ARMC7: variants seen among roughly 807,000 people sequenced by gnomAD.
ARMC7 encodes the protein armadillo repeat-containing protein 7.
ARMC7 carries 9 observed loss-of-function variants against 14.8 expected under a neutral mutation model. The observed-to-expected ratio is 0.61, with a 90% confidence interval of 0.37 to 1.06. The LOEUF (loss-of-function observed/expected upper bound fraction) is 1.06, where lower values mean the gene tolerates loss of function less well. ARMC7 is among the 50% of genes least tolerant of loss of function. The probability of loss-of-function intolerance (pLI) is 0.01; values close to 1 mark genes in which losing one functional copy is unlikely to be tolerated. For synonymous variants in ARMC7, 125 were observed against 123.4 expected, an observed-to-expected ratio of 1.01 and a Z score of -0.09; for missense variants, 262 against 267.1, an observed-to-expected ratio of 0.98 and a Z score of 0.13.
intron 2 of ARMC7, chr17:75,114,941 C>T (rs2073962860): frequency 1.0e-5 from 4 of 382,296 alleles, no homozygotes; most frequent in Non-Finnish European, 1.4e-5. Context: ...CCGACAGGCA[C>T]TTATTCTGCT....
intron 2 of ARMC7, among the ~76,000 whole-genome samples, chr17:75,122,422 A>G (rs1403390005): frequency 6.6e-6 from 1 of 151,580 alleles, no homozygotes; most frequent in Non-Finnish European, 1.5e-5. Context: ...AGTGCAGTGG[A>G]GTGATCTCGG....
chr17:75,118,265 A>G (rs978374476), intron 2 of ARMC7, among the ~76,000 whole-genome samples: 1 of 152,116 alleles, frequency 6.6e-6, no homozygotes, highest in Non-Finnish European at 1.5e-5. Context: ...AGGGCTAGCT[A>G]GGTGCCTGGA....
chr17:75,112,910 C>T (rs545356742), intron 2 of ARMC7, among the ~76,000 whole-genome samples: 1 of 152,200 alleles, frequency 6.6e-6, no homozygotes, highest in East Asian at 1.9e-4. Context: ...TTCCCCCTTC[C>T]GGTTTGTCTC....
intron 2 of ARMC7, among the ~76,000 whole-genome samples, chr17:75,119,566 A>G (rs924528727): frequency 5.4e-5 from 8 of 149,082 alleles, no homozygotes; most frequent in Non-Finnish European, 8.9e-5. Flanking sequence ...CTCCTGCCTC[A>G]GCCTTCCCAG....
chr17:75,128,702 C>G lies in ARMC7; in HGVS notation c.261C>G (p.Asp87Glu). 1 of 1,613,176 alleles carries G rather than the reference C, an allele frequency of 6.2e-7. No homozygotes were observed. Among genetic ancestry groups the G allele is most frequent in the Non-Finnish European group, 8.5e-7 (1 of 1,179,708 alleles). The part of the protein sequence containing the change: ...AIGGLCNLCP[D>E]RANKEHILHA... ...GAGGCCTGTGCAACCTGTGCCCAGA[C>G]AGGGCCAACAAGGAGCACATCCTGC... Residue 87 changes from aspartate to glutamate, a missense_variant, in exon 3 of 3, where the codon GAC (aspartate) becomes GAG (glutamate). Asp to Glu is a conservative substitution (Grantham distance 45). Coordinates refer to ENST00000245543, the MANE Select transcript of ARMC7 (RefSeq NM_024585.4).
At chr17:75,128,568 C>T (rs376413038) in intron 2 of ARMC7, 109 bp from the exon 3 acceptor site, 2 of 1,451,834 alleles carry the variant, frequency 1.4e-6, no homozygotes, top group Non-Finnish European at 9.2e-7. Flanking sequence ...ATGCCTTGTG[C>T]TGGGGCCAGC....
chr17:75,119,450 T>TG (rs1266341227), intron 2 of ARMC7, among the ~76,000 whole-genome samples: 11 of 140,032 alleles, frequency 7.9e-5, no homozygotes, highest in Non-Finnish European at 1.7e-4. Flanking sequence ...GATACAGTTT[T>TG]TTCTTTTTTT....
intron 2 of ARMC7, among the ~76,000 whole-genome samples, chr17:75,124,441 T>C (rs1229469121): frequency 6.6e-6 from 1 of 152,182 alleles, no homozygotes; most frequent in Non-Finnish European, 1.5e-5. Flanking sequence ...CACCTGGGTG[T>C]GGTGATGACT....
At chr17:75,116,672 C>G (rs9891383) in intron 2 of ARMC7, among the ~76,000 whole-genome samples, 1 of 152,062 alleles carries the variant, frequency 6.6e-6, no homozygotes, top group Non-Finnish European at 1.5e-5. Flanking sequence ...CCAGAGCAGT[C>G]AGAGTCTACA....
chr17:75,113,106 A>G (rs1354298489), intron 2 of ARMC7, among the ~76,000 whole-genome samples: 1 of 150,368 alleles, frequency 6.7e-6, no homozygotes, highest in African/African-American at 2.5e-5. Context: ...GCTCACTGCA[A>G]CCTCTGCCTC....
At chr17:75,112,906 C>T (rs1466621898) in intron 2 of ARMC7, among the ~76,000 whole-genome samples, 1 of 152,254 alleles carries the variant, frequency 6.6e-6, no homozygotes, top group East Asian at 1.9e-4. Flanking sequence ...AATGTTCCCC[C>T]TTCCGGTTTG....
intron 2 of ARMC7, chr17:75,114,135 C>T (rs2073954488): frequency 2.5e-6 from 1 of 401,168 alleles, no homozygotes; most frequent in Admixed American, 4.4e-5. Flanking sequence ...AAACGTCCTC[C>T]GTCCCGTCCC....
intron 2 of ARMC7, among the ~76,000 whole-genome samples, chr17:75,119,615 A>AT (rs200931768): frequency 0.068 from 6,731 of 98,594 alleles, 243 homozygotes; most frequent in South Asian, 0.26. Flanking sequence ...CGCCCAGCTA[A>AT]TTTTTTTTGT....
At position 75,110,469 on chromosome 17, in the gene ARMC7, A is replaced by G. The variant is rs1452934031; in HGVS notation, c.98A>G (p.Lys33Arg). The G allele has an allele frequency of 2.5e-6, 4 of 1,614,128 alleles. No individual in the cohort carries two copies. Among genetic ancestry groups the G allele is most frequent in the Non-Finnish European group, 3.4e-6 (4 of 1,180,050 alleles). The change falls in exon 2 of 3, where the codon AAG becomes AGG. Residue 33 changes from lysine (K) to arginine (R), a missense_variant. Coordinates refer to ENST00000245543, the MANE Select transcript of ARMC7 (RefSeq NM_024585.4). ...TGCCGCTTTCCCGTTGCAGACGCCAAGGAGCAAGTCCTCGCCAACCTCGCC... is the reference window on the plus strand; with the variant it reads ...TGCCGCTTTCCCGTTGCAGACGCCAGGGAGCAAGTCCTCGCCAACCTCGCC... ...EFQETQSQDA[K>R]EQVLANLANF... is the part of the protein sequence containing the mutation.
intron 2 of ARMC7, among the ~76,000 whole-genome samples, chr17:75,122,252 G>A (rs746220639): frequency 1.3e-5 from 2 of 151,902 alleles, no homozygotes; most frequent in Non-Finnish European, 2.9e-5. Flanking sequence ...AGAGAACCCC[G>A]GAGGTGGAGG....
rs759449338 is a variant in ARMC7 at position 75,129,034 on chromosome 17, G to A, written c.593G>A (p.Arg198His). Residue 198 changes from arginine to histidine, a missense_variant, in exon 3 of 3, where the codon CGC (arginine) becomes CAC (histidine). Transcript: ENST00000245543. ...PLPRSVAPRQ[R>H] Reference sequence around the variant, plus strand: ...CCGAGGAGCGTGGCCCCACGGCAGCGCTGATCCATGGAGACTGCGAGACCG... The same window carrying A: ...CCGAGGAGCGTGGCCCCACGGCAGCACTGATCCATGGAGACTGCGAGACCG... 11 of 1,595,472 alleles carry A rather than the reference G, an allele frequency of 6.9e-6. No homozygotes were observed. In the Middle Eastern group the frequency reaches 5.0e-4, roughly 73 times the overall value.
At chr17:75,127,012 C>T (rs961697266) in intron 2 of ARMC7, among the ~76,000 whole-genome samples, 4 of 146,870 alleles carry the variant, frequency 2.7e-5, no homozygotes, top group East Asian at 2.1e-4. Context: ...CAATGAGCCG[C>T]GATCATGCCA....
chr17:75,117,664 A>G (rs1280205706), intron 2 of ARMC7, among the ~76,000 whole-genome samples: 1 of 152,200 alleles, frequency 6.6e-6, no homozygotes, highest in Non-Finnish European at 1.5e-5. Flanking sequence ...AGCAAAAAAG[A>G]ATGTTAGCTA....
At chr17:75,117,328 C>T (rs1274816338) in intron 2 of ARMC7, among the ~76,000 whole-genome samples, 4 of 152,184 alleles carry the variant, frequency 2.6e-5, no homozygotes, top group Non-Finnish European at 5.9e-5. Flanking sequence ...CCGCCCGCCT[C>T]GGCCTCCCAA....
Sources: allele counts gnomAD v4.1 joint callset (sites outside exome capture counted in the v4.1 genomes callset), GRCh38; gene constraint gnomAD v4.1.1; transcripts MANE v1.5; gene names NCBI Gene and HGNC (gene_info 2026-07-23, HGNC 2026-07-21).